Variants in CACNA1B observed in about 807,000 individuals in gnomAD.
CACNA1B encodes the protein calcium voltage-gated channel subunit alpha1 B, also known as voltage-dependent N-type calcium channel subunit alpha-1B.
CACNA1B carries 70 observed loss-of-function variants against 247.2 expected under a neutral mutation model. That is an observed-to-expected ratio of 0.28 (90% CI 0.23 to 0.35). CACNA1B has a LOEUF of 0.35. Ranked by LOEUF, CACNA1B falls within the 10% of genes least tolerant of loss-of-function variation. The pLI, the probability that CACNA1B is intolerant of heterozygous loss-of-function variation, is 1.00. For missense variants in CACNA1B, 2,367 were observed against 3,197.4 expected (o/e 0.74, Z 6.26); for synonymous variants, 1,231 against 1,294.4 (o/e 0.95, Z 1.05).
intron 3 of CACNA1B, among the ~76,000 whole-genome samples, chr9:137,885,428 G>A (rs1183441881): frequency 6.6e-6 from 1 of 152,162 alleles, no homozygotes; most frequent in Non-Finnish European, 1.5e-5. Context: ...GGGCCTGTGG[G>A]TAGTGGGCGG....
intron 15 of CACNA1B, among the ~76,000 whole-genome samples, chr9:137,997,452 G>A (rs755963403): frequency 5.3e-5 from 8 of 152,152 alleles, no homozygotes; most frequent in Non-Finnish European, 1.0e-4. Context: ...AGAAAAACAT[G>A]AAATTGGATT....
intron 20 of CACNA1B, among the ~76,000 whole-genome samples, chr9:138,031,329 TTC>T (rs1403091758): frequency 1.3e-5 from 2 of 152,218 alleles, no homozygotes; most frequent in African/African-American, 4.8e-5. Context: ...ATTTGCCTAT[TTC>T]TCTGTTATTA....
chr9:138,111,508 CAAGG>C (rs1472374040), intron 39 of CACNA1B, among the ~76,000 whole-genome samples: 2 of 150,712 alleles, frequency 1.3e-5, no homozygotes, highest in South Asian at 2.1e-4. Context: ...GGGGTCGACT[CAAGG>C]GAGCACAGAG....
intron 3 of CACNA1B, among the ~76,000 whole-genome samples, chr9:137,902,633 T>C (rs1957251927): frequency 6.6e-6 from 1 of 152,260 alleles, no homozygotes; most frequent in Non-Finnish European, 1.5e-5. Flanking sequence ...TTTCTTACTT[T>C]ATGACACACA....
intron 15 of CACNA1B, among the ~76,000 whole-genome samples, chr9:137,998,462 T>G (rs1013777343): frequency 6.6e-6 from 1 of 151,990 alleles, no homozygotes; most frequent in Non-Finnish European, 1.5e-5. Flanking sequence ...ATACGTAAAA[T>G]TAGCTGGGTG....
intron 20 of CACNA1B, chr9:138,032,624 C>T: frequency 2.2e-6 from 1 of 449,208 alleles, no homozygotes; most frequent in Non-Finnish European, 4.4e-6. Context: ...TCCCTTCATT[C>T]CTGAAGGGTA....
chr9:137,928,767 C>T (rs905289700), intron 6 of CACNA1B, among the ~76,000 whole-genome samples: 1 of 152,214 alleles, frequency 6.6e-6, no homozygotes, highest in Non-Finnish European at 1.5e-5. Flanking sequence ...AGCCCTGTAT[C>T]CATGAGCCAT....
chr9:137,956,502 A>G (rs1418047412), intron 8 of CACNA1B, among the ~76,000 whole-genome samples: 1 of 152,172 alleles, frequency 6.6e-6, no homozygotes, highest in African/African-American at 2.4e-5. Flanking sequence ...TACTAAAAAT[A>G]CAAAAATTAG....
chr9:138,006,447 T>C (rs1248100169), intron 15 of CACNA1B, among the ~76,000 whole-genome samples: 1 of 152,196 alleles, frequency 6.6e-6, no homozygotes, highest in Non-Finnish European at 1.5e-5. Context: ...TCTCCATGCC[T>C]GATCTCACTG....
At position 137,974,729 on chromosome 9, in the gene CACNA1B, T is replaced by C. The variant is rs1958197852; in HGVS notation, c.1544-1178T>C. The stretch of plus-strand genomic sequence containing the variant: ...AGGTCCCGTGTCCCAACAGAGACTG[T>C]AGAGGGGGATTCAGAAGCCCTGGGA... On this transcript the variant is annotated intron_variant, in intron 11 of 46. Coordinates refer to ENST00000371372, the MANE Select transcript of CACNA1B (RefSeq NM_000718.4). This position sits in a 1 kb window ranked among gnomAD's most constrained non-coding sequence, Gnocchi z 4.5. Among the ~76,000 whole-genome samples, 1 of 152,136 alleles carries C rather than the reference T, an allele frequency of 6.6e-6. No homozygotes were observed. Among genetic ancestry groups the C allele is most frequent in the South Asian group, 2.1e-4 (1 of 4,824 alleles).
At chr9:138,016,516 C>T (rs1372163773) in intron 18 of CACNA1B, among the ~76,000 whole-genome samples, 1 of 152,198 alleles carries the variant, frequency 6.6e-6, no homozygotes, top group East Asian at 1.9e-4. Context: ...GCCTGGGGAG[C>T]CCTGGGGCTG....
intron 36 of CACNA1B, among the ~76,000 whole-genome samples, chr9:138,094,442 T>TAAAAAAAAAAAAAAAAAAAA (rs753995157): frequency 3.2e-4 from 30 of 93,592 alleles, no homozygotes; most frequent in East Asian, 1.0e-3. Context: ...TTTACTACAG[T>TAAAAAAAAAAAAAAAAAAAA]AAAAAAAAAA....
intron 6 of CACNA1B, among the ~76,000 whole-genome samples, chr9:137,949,128 G>GCGCTTGTGTGTCCTT (rs1957840235): frequency 6.5e-3 from 5 of 766 alleles, no homozygotes; most frequent in South Asian, 0.056. Flanking sequence ...TCCAGTGTGT[G>GCGCTTGTGTGTCCTT]TGTGTGTGGT....
chr9:137,986,592 A>G lies in CACNA1B; in HGVS notation c.1901+48A>G. 1 of 1,608,664 alleles carries G rather than the reference A, an allele frequency of 6.2e-7. No individual in the cohort carries two copies. The highest frequency in any genetic ancestry group is 1.1e-5 in the South Asian group (1 of 90,770). On this transcript the variant is annotated intron_variant, in intron 14 of 46. Transcript: ENST00000371372. This position sits in a 1 kb window ranked among gnomAD's most constrained non-coding sequence, Gnocchi z 6.0. ...GCTCAAGGCTGGGGGCTTGCAGGGA[A>G]GCAGAGCTCAGAGCAGACGGTGCCG... is the stretch of plus-strand genomic sequence containing the variant.
intron 6 of CACNA1B, among the ~76,000 whole-genome samples, chr9:137,948,983 GTGTC>G (rs1293048691): frequency 3.4e-5 from 5 of 147,422 alleles, no homozygotes; most frequent in African/African-American, 1.0e-4. Flanking sequence ...TGTCTGTTGT[GTGTC>G]TGGTGTTTGG....
intron 20 of CACNA1B, among the ~76,000 whole-genome samples, chr9:138,036,816 G>A (rs1959053156): frequency 1.3e-5 from 2 of 152,092 alleles, no homozygotes; most frequent in South Asian, 2.1e-4. Flanking sequence ...GCTTTCTTGT[G>A]TATCATTTTA....
chr9:137,978,426 G>A (rs1048876099), intron 12 of CACNA1B, among the ~76,000 whole-genome samples: 3 of 150,260 alleles, frequency 2.0e-5, no homozygotes, highest in African/African-American at 7.4e-5. Context: ...AGTGACAGGT[G>A]GGAGCACTGC....
At chr9:138,114,286 G>C in intron 40 of CACNA1B, 92 bp from the exon 41 acceptor site, 1 of 680,206 alleles carries the variant, frequency 1.5e-6, no homozygotes, top group Admixed American at 2.2e-5. Context: ...GGGCGAGGGA[G>C]GGGCGGCTGT....
At chr9:138,065,993 G>A (rs1959902227) in intron 31 of CACNA1B, among the ~76,000 whole-genome samples, 1 of 152,190 alleles carries the variant, frequency 6.6e-6, no homozygotes, top group Admixed American at 6.5e-5. Flanking sequence ...CATCCTTAGA[G>A]TCGGCTTCCA....
Sources: gnomAD v4.1 joint callset for allele counts (sites outside exome capture counted in the v4.1 genomes callset) on GRCh38, gnomAD v4.1.1 for gene constraint, Gnocchi (gnomAD v3.1) non-coding constraint, MANE v1.5 for transcripts, NCBI Gene and HGNC (gene_info 2026-07-23, HGNC 2026-07-21) for gene names.